The following TMEFF1 variants were observed in gnomAD, a reference collection of about 807,000 sequenced individuals.
The protein encoded by TMEFF1 is transmembrane protein with EGF like and two follistatin like domains 1.
Under a neutral mutation model 47.5 loss-of-function variants are expected in TMEFF1, and 20 were observed. That is an observed-to-expected ratio of 0.42 (90% confidence interval 0.30 to 0.61). The LOEUF (loss-of-function observed/expected upper bound fraction) is 0.61. TMEFF1 is among the 20% of genes least tolerant of loss of function. The probability of loss-of-function intolerance (pLI) is 0.19; values close to 1 mark genes in which losing one functional copy is unlikely to be tolerated. For synonymous variants in TMEFF1, 162 were observed against 166.3 expected (o/e 0.97, Z 0.20); for missense variants, 411 against 471.1 (o/e 0.87, Z 1.18).
chr9:100,545,305 G>A (rs1838711629), intron 5 of TMEFF1, among the ~76,000 whole-genome samples: 1 of 152,170 alleles, frequency 6.6e-6, no homozygotes, highest in South Asian at 2.1e-4. Flanking sequence ...CTAGGTGGAG[G>A]TTCCCAAACC....
intron 7 of TMEFF1, among the ~76,000 whole-genome samples, chr9:100,560,513 C>A (rs886927512): frequency 1.3e-5 from 2 of 152,028 alleles, no homozygotes; most frequent in African/African-American, 2.4e-5. Flanking sequence ...TACAAAAATC[C>A]ATTCCCAAAT....
chr9:100,568,267 C>A (rs1839163122), intron 8 of TMEFF1, among the ~76,000 whole-genome samples: 1 of 152,204 alleles, frequency 6.6e-6, no homozygotes, highest in South Asian at 2.1e-4. Flanking sequence ...TAGAGAGCTG[C>A]ATATCTAGGA....
At chr9:100,499,499 T>TG (rs758267008) in intron 2 of TMEFF1, among the ~76,000 whole-genome samples, 3 of 152,234 alleles carry the variant, frequency 2.0e-5, no homozygotes, top group Non-Finnish European at 4.4e-5. Context: ...TCTTACAAGA[T>TG]GGTCTCTGAT....
chr9:100,473,838 TG>T lies in TMEFF1; in HGVS notation c.196+103del, dbSNP rs1837168032. The T allele has an allele frequency of 7.5e-7, 1 of 1,339,256 alleles. No individual in the cohort carries two copies. The highest frequency in any genetic ancestry group is 9.7e-7 in the Non-Finnish European group (1 of 1,033,298). The allele number at this position is 1,339,256 out of a possible 1,614,324, so 83.0% of individuals were successfully genotyped here. A position where few individuals can be genotyped will look rare whatever the true frequency, so the allele number is the denominator to read the frequency against. On this transcript the variant is annotated intron_variant, in intron 1 of 9. Coordinates refer to ENST00000374879, the MANE Select transcript of TMEFF1 (RefSeq NM_003692.5). This position sits in a 1 kb window ranked among gnomAD's most constrained non-coding sequence, Gnocchi z 5.4. ...GGCCGGGCTGGGAAAGACCCCGTCGTGGGGGTCCCAGGGGTGGGCCCGAGGG... is the reference window on the plus strand; with the variant it reads ...GGCCGGGCTGGGAAAGACCCCGTCGTGGGGTCCCAGGGGTGGGCCCGAGGG...
At chr9:100,547,581 A>T (rs968400523) in intron 5 of TMEFF1, among the ~76,000 whole-genome samples, 163 bp from the exon 6 acceptor site, 1 of 152,258 alleles carries the variant, frequency 6.6e-6, no homozygotes, top group African/African-American at 2.4e-5. Flanking sequence ...CTCACCTAAA[A>T]TTTTTTTAGG....
chr9:100,551,547 A>G (rs1838826606), intron 7 of TMEFF1, among the ~76,000 whole-genome samples: 1 of 152,208 alleles, frequency 6.6e-6, no homozygotes. Flanking sequence ...GCTCATACTT[A>G]GGGCAGTTTG....
At chr9:100,555,025 A>G (rs1838890761) in intron 7 of TMEFF1, among the ~76,000 whole-genome samples, 1 of 152,142 alleles carries the variant, frequency 6.6e-6, no homozygotes, top group Non-Finnish European at 1.5e-5. Context: ...GGGTTTTTTC[A>G]TAACATCATC....
intron 1 of TMEFF1, among the ~76,000 whole-genome samples, chr9:100,479,799 T>A (rs1371506713): frequency 6.6e-6 from 1 of 152,254 alleles, no homozygotes; most frequent in African/African-American, 2.4e-5. Flanking sequence ...TTTTTACTTT[T>A]TGGCTGTTAT....
At chr9:100,552,584 T>C (rs1309278336) in intron 7 of TMEFF1, among the ~76,000 whole-genome samples, 3 of 152,172 alleles carry the variant, frequency 2.0e-5, no homozygotes, top group Non-Finnish European at 2.9e-5. Flanking sequence ...AGGTGATAAC[T>C]GAAGCCACAA....
chr9:100,545,064 G>A (rs1186521989), intron 5 of TMEFF1, among the ~76,000 whole-genome samples: 1 of 152,190 alleles, frequency 6.6e-6, no homozygotes, highest in African/African-American at 2.4e-5. Flanking sequence ...GAGTGTCTGT[G>A]GCTTTTCCAG....
intron 5 of TMEFF1, among the ~76,000 whole-genome samples, chr9:100,527,290 C>T (rs1436142863): frequency 6.6e-6 from 1 of 152,220 alleles, no homozygotes; most frequent in East Asian, 1.9e-4. Context: ...GCGTGAGCCA[C>T]GCAGAACACG....
chr9:100,544,849 A>G (rs889652390), intron 5 of TMEFF1, among the ~76,000 whole-genome samples: 27 of 152,256 alleles, frequency 1.8e-4, no homozygotes, highest in African/African-American at 3.9e-4. Context: ...TGGCCAAAAC[A>G]AAGGGGCTAT....
chr9:100,532,465 C>G (rs1034360254), intron 5 of TMEFF1, among the ~76,000 whole-genome samples: 10 of 152,158 alleles, frequency 6.6e-5, no homozygotes, highest in Non-Finnish European at 1.3e-4. Flanking sequence ...GACATTTATG[C>G]AGCCAAAAAA....
intron 5 of TMEFF1, among the ~76,000 whole-genome samples, chr9:100,544,784 G>T (rs1424994686): frequency 6.6e-6 from 1 of 152,248 alleles, no homozygotes; most frequent in Non-Finnish European, 1.5e-5. Context: ...TTACTTCCTA[G>T]ATACAAAGGG....
At chr9:100,561,236 C>G (rs1587856271) in intron 7 of TMEFF1, among the ~76,000 whole-genome samples, 161 bp from the exon 8 acceptor site, 1 of 152,168 alleles carries the variant, frequency 6.6e-6, no homozygotes. Context: ...TAGAAGAGAC[C>G]CTGGATCTTA....
At chr9:100,573,840 A>G (rs913627906) in intron 9 of TMEFF1, among the ~76,000 whole-genome samples, 1 of 152,282 alleles carries the variant, frequency 6.6e-6, no homozygotes, top group African/African-American at 2.4e-5. Flanking sequence ...CACAGAACAG[A>G]TGATCTGCCC....
chr9:100,556,018 C>T (rs1284256318), intron 7 of TMEFF1, among the ~76,000 whole-genome samples: 1 of 152,178 alleles, frequency 6.6e-6, no homozygotes, highest in Non-Finnish European at 1.5e-5. Context: ...TACCATGATT[C>T]TAGAATTCTT....
chr9:100,547,774 C>A lies in TMEFF1; in HGVS notation c.591C>A (p.Tyr197Ter), dbSNP rs1331385839. ...TATGTAATATAGATTGCAGTGGATA[C>A]AGTTTTAATCCTGTGTGTGCTTCTG... Reference protein sequence around the residue: ...GCVCNIDCSGYSFNPVCASDG... With the variant: ...GCVCNIDCSG The change falls in exon 6 of 10, where the codon TAC (tyrosine) becomes TAA (stop). Residue 197 changes from tyrosine (Y) to a stop codon, truncating the protein, a stop_gained. Coordinates refer to ENST00000374879, the MANE Select transcript of TMEFF1 (RefSeq NM_003692.5). LOFTEE classifies it high-confidence loss of function. The A allele has an allele frequency of 6.3e-7, 1 of 1,597,538 alleles. No homozygotes were observed. Among genetic ancestry groups the A allele is most frequent in the East Asian group, 2.3e-5 (1 of 43,826 alleles).
chr9:100,548,028 C>A, intron 6 of TMEFF1, 136 bp downstream of exon 6: 1 of 1,058,750 alleles, frequency 9.4e-7, no homozygotes, highest in Non-Finnish European at 1.2e-6. Flanking sequence ...CTTTATATTT[C>A]AGATTTTTTA....
Sources: allele counts gnomAD v4.1 joint callset (sites outside exome capture counted in the v4.1 genomes callset), GRCh38; gene constraint gnomAD v4.1.1; non-coding constraint Gnocchi (gnomAD v3.1); transcripts MANE v1.5; gene names NCBI Gene and HGNC (gene_info 2026-07-23, HGNC 2026-07-21).